Variants in AKAP7 observed in about 807,000 individuals in gnomAD.
AKAP7 encodes A-kinase anchoring protein 7, also known as A kinase (PRKA) anchor protein 7.
In AKAP7, 39 loss-of-function variants were observed where a neutral mutation model predicts 39.5. That is an observed-to-expected ratio of 0.99 (90% CI 0.76 to 1.29). The LOEUF is 1.29. Among genes scored for constraint, AKAP7 ranks in the 50% most tolerant of loss-of-function variants. The probability of loss-of-function intolerance (pLI) is 0.00; values close to 1 mark genes in which losing one functional copy is unlikely to be tolerated. For missense variants in AKAP7, 414 were observed against 407.7 expected (o/e 1.02, Z -0.13); for synonymous variants, 140 against 139.1 (o/e 1.01, Z -0.05).
chr6:131,163,838 G>T (rs1803219885), intron 3 of AKAP7, among the ~76,000 whole-genome samples: 1 of 149,402 alleles, frequency 6.7e-6, no homozygotes, highest in Non-Finnish European at 1.5e-5. Context: ...CAGATATGGA[G>T]GGTGGTTAGA....
At chr6:131,154,536 G>A (rs1208137642) in intron 2 of AKAP7, among the ~76,000 whole-genome samples, 1 of 146,754 alleles carries the variant, frequency 6.8e-6, no homozygotes. Context: ...GAGAAAATAG[G>A]AAAAGAAGCC....
chr6:131,261,987 C>G (rs190198010), intron 7 of AKAP7, among the ~76,000 whole-genome samples: 6 of 152,170 alleles, frequency 3.9e-5, no homozygotes, highest in African/African-American at 1.4e-4. Context: ...CCCACATAGC[C>G]GAGACTCAGA....
At chr6:131,216,082 C>A (rs555170844) in intron 6 of AKAP7, among the ~76,000 whole-genome samples, 1 of 152,276 alleles carries the variant, frequency 6.6e-6, no homozygotes, top group African/African-American at 2.4e-5. Context: ...TAACAAGTAA[C>A]AATAAGAAGT....
chr6:131,274,246 G>A (rs1814557447), intron 7 of AKAP7, among the ~76,000 whole-genome samples: 1 of 151,998 alleles, frequency 6.6e-6, no homozygotes, highest in South Asian at 2.1e-4. Context: ...TTCTTCTCAA[G>A]AATCACATTT....
intron 7 of AKAP7, among the ~76,000 whole-genome samples, chr6:131,220,163 A>G (rs1415573652): frequency 6.6e-6 from 1 of 152,190 alleles, no homozygotes; most frequent in Non-Finnish European, 1.5e-5. Context: ...GGCATTTTGT[A>G]TTTGCTGCTT....
intron 2 of AKAP7, among the ~76,000 whole-genome samples, chr6:131,151,726 A>G (rs1434641807): frequency 6.6e-6 from 1 of 152,220 alleles, no homozygotes; most frequent in East Asian, 1.9e-4. Flanking sequence ...AGCCTGGACA[A>G]CAAGAGTGAA....
intron 2 of AKAP7, among the ~76,000 whole-genome samples, chr6:131,158,179 G>C (rs966298256): frequency 6.6e-6 from 1 of 152,204 alleles, no homozygotes; most frequent in Non-Finnish European, 1.5e-5. Flanking sequence ...TAGTTGTGCA[G>C]AACTTCAGTA....
At chr6:131,155,573 A>G (rs996561321) in intron 2 of AKAP7, among the ~76,000 whole-genome samples, 7 of 152,212 alleles carry the variant, frequency 4.6e-5, no homozygotes, top group East Asian at 1.9e-4. Flanking sequence ...TGAAATTTCT[A>G]TAAAGAACTT....
intron 1 of AKAP7, among the ~76,000 whole-genome samples, chr6:131,136,283 G>A (rs938675161): frequency 6.6e-6 from 1 of 152,212 alleles, no homozygotes; most frequent in Non-Finnish European, 1.5e-5. Context: ...CGCCCGGAAT[G>A]AATTTCCAGT....
intron 7 of AKAP7, among the ~76,000 whole-genome samples, chr6:131,247,305 ATATATATAT>A (rs1812100228): frequency 2.1e-5 from 1 of 47,852 alleles, no homozygotes; most frequent in African/African-American, 9.4e-5. Context: ...ATATATATAT[ATATATATAT>A]GTTTTTTTTT....
At chr6:131,170,299 TA>T (rs746782065) in intron 5 of AKAP7, among the ~76,000 whole-genome samples, 15,148 of 98,882 alleles carry the variant, frequency 0.15, 995 homozygotes, top group South Asian at 0.34. Context: ...AAGTATAATT[TA>T]AAAAAAAAAG....
At chr6:131,153,224 C>A (rs1003205378) in intron 2 of AKAP7, among the ~76,000 whole-genome samples, 1 of 151,588 alleles carries the variant, frequency 6.6e-6, no homozygotes, top group African/African-American at 2.4e-5. Flanking sequence ...AAGTGTATTA[C>A]AAGGGTTGGT....
At chr6:131,265,047 T>C (rs1450552610) in intron 7 of AKAP7, among the ~76,000 whole-genome samples, 2 of 152,198 alleles carry the variant, frequency 1.3e-5, no homozygotes, top group South Asian at 2.1e-4. Flanking sequence ...TATGAGATTT[T>C]GAGGGGACAA....
At chr6:131,131,206 G>C (rs1800320831), upstream of AKAP7, among the ~76,000 whole-genome samples, 1 of 152,186 alleles carries the variant, frequency 6.6e-6, no homozygotes, top group Non-Finnish European at 1.5e-5. Context: ...CCTCCAGAAA[G>C]TATTCTAAGA....
At chr6:131,220,950 G>C (rs1468245572) in intron 7 of AKAP7, among the ~76,000 whole-genome samples, 1 of 151,978 alleles carries the variant, frequency 6.6e-6, no homozygotes, top group South Asian at 2.1e-4. Flanking sequence ...GTGAAGAGTC[G>C]TACATCTCTT....
chr6:131,168,025 A>G (rs188301255), intron 4 of AKAP7, among the ~76,000 whole-genome samples: 9 of 152,280 alleles, frequency 5.9e-5, no homozygotes, highest in Admixed American at 2.0e-4. Flanking sequence ...ACCTACACCA[A>G]AATTCTCTTC....
At chr6:131,239,948 G>T (rs1477555915) in intron 7 of AKAP7, among the ~76,000 whole-genome samples, 1 of 152,216 alleles carries the variant, frequency 6.6e-6, no homozygotes, top group Non-Finnish European at 1.5e-5. Flanking sequence ...CGTTGCTGGT[G>T]AGGAGCTGCG....
intron 7 of AKAP7, among the ~76,000 whole-genome samples, chr6:131,266,707 TG>T (rs66827112): frequency 9.0e-4 from 137 of 151,560 alleles, no homozygotes; most frequent in Middle Eastern, 3.4e-3. Context: ...TTGTTGTTGT[TG>T]TTTTTTAACG....
In AKAP7 at chr6:131,245,161, A is replaced by G. The variant is rs1585166205; in HGVS notation, c.850+25353A>G. Among the ~76,000 whole-genome samples, 3 of 152,142 alleles carry G rather than the reference A, an allele frequency of 2.0e-5. No individual in the cohort carries two copies. In the South Asian group the frequency reaches 6.2e-4, roughly 32 times the overall value. ...CTTTCTCTTTGGTTACAAAATGACT[A>G]CAAAGATGCAGCAGTGGCTAAACAA... On this transcript the variant is annotated intron_variant, in intron 7 of 7. Transcript: ENST00000431975.
Sources: allele counts gnomAD v4.1 joint callset (sites outside exome capture counted in the v4.1 genomes callset), GRCh38; gene constraint gnomAD v4.1.1; transcripts MANE v1.5; gene names NCBI Gene and HGNC (gene_info 2026-07-23, HGNC 2026-07-21).